Variants in SCLY observed in about 807,000 individuals in gnomAD.
SCLY encodes the protein selenocysteine lyase.
SCLY carries 38 observed loss-of-function variants against 50.1 expected under a neutral mutation model. The observed-to-expected ratio is 0.76, with a 90% confidence interval of 0.59 to 0.99. The LOEUF (loss-of-function observed/expected upper bound fraction) is 0.99. SCLY is among the 50% of genes least tolerant of loss of function. SCLY has a pLI of 0.00. For synonymous variants in SCLY, 243 were observed against 249.4 expected (o/e 0.97, Z 0.24); for missense variants, 600 against 620.0 (o/e 0.97, Z 0.34).
Position 238,078,176 on chromosome 2 carries a change from A to G in SCLY, c.485-3533A>G, listed in dbSNP as rs536388241. Among the ~76,000 whole-genome samples the G allele has an allele frequency of 1.1e-4, 17 of 151,080 alleles. No individual in the cohort carries two copies. In the East Asian group the frequency reaches 3.3e-3, roughly 30 times the overall value. On this transcript the variant is annotated intron_variant, in intron 4 of 11. Coordinates refer to ENST00000254663, the MANE Select transcript of SCLY (RefSeq NM_016510.7). ...ACCATGTTGGCCAGGCTGACCTTGA[A>G]CTCCTGATCTCAGGTGATCCATCTA...
At chr2:238,095,652 T>C (rs1220792389) in intron 10 of SCLY, 1 of 152,220 alleles carries the variant, frequency 6.6e-6, no homozygotes, top group Non-Finnish European at 1.5e-5. Flanking sequence ...AAAGGAGAGT[T>C]CTCTGTCAAC....
At chr2:238,086,548 T>A (rs139141378) in intron 7 of SCLY, among the ~76,000 whole-genome samples, 10 of 150,480 alleles carry the variant, frequency 6.6e-5, no homozygotes, top group Admixed American at 2.0e-4. Context: ...CTCTAAAAAA[T>A]TTTTTTTAAT....
rs535390041 is a variant in SCLY, at chr2:238,068,859, A to T, written c.304-438A>T. Reference sequence around the variant, plus strand: ...CACTGTGAATGTAGCTGTAGGAAAAAGTCCAAGAACTAGAATTGCTGGGTC... The same window carrying T: ...CACTGTGAATGTAGCTGTAGGAAAATGTCCAAGAACTAGAATTGCTGGGTC... On this transcript the variant is annotated intron_variant, in intron 3 of 11. Coordinates refer to ENST00000254663, the MANE Select transcript of SCLY (RefSeq NM_016510.7). Among the ~76,000 whole-genome samples, 3 of 152,324 alleles carry T rather than the reference A, an allele frequency of 2.0e-5. No homozygotes were observed. In the East Asian group the frequency reaches 5.8e-4, roughly 29 times the overall value.
chr2:238,091,518 AGC>A, intron 8 of SCLY: 385 of 459,948 alleles, frequency 8.4e-4, no homozygotes, highest in South Asian at 2.0e-3. Context: ...ATACTGTTAC[AGC>A]AGAGGTGAAG....
Position 238,066,682 on chromosome 2 carries a change from A to G in SCLY, c.203-1383A>G, listed in dbSNP as rs1251107212. ...CTGGTGGATTAATTGGCGGGGAATG[A>G]AAAGGGAAAGAGCCCACGCTTTTGC... On this transcript the variant is annotated intron_variant, in intron 2 of 11. Transcript: ENST00000254663. This position sits in a 1 kb window ranked among gnomAD's most constrained non-coding sequence, Gnocchi z 4.1. Among the ~76,000 whole-genome samples the G allele has an allele frequency of 6.6e-6, 1 of 152,218 alleles. No individual in the cohort carries two copies.
rs2106447949 is a variant in SCLY at position 238,083,561 on chromosome 2, C to T, written c.884+207C>T. 6.6e-6 allele frequency among the ~76,000 whole-genome samples: 1 copy of T among 152,304 alleles called. No homozygotes were observed. On this transcript the variant is annotated intron_variant, in intron 7 of 11. Transcript: ENST00000254663. This position sits in a 1 kb window ranked among gnomAD's most constrained non-coding sequence, Gnocchi z 4.3. ...CAGTCTCTTTGGGAATGATTGAAAG[C>T]AATGAAGGAAATCTCTGTTTCTTTT...
chr2:238,074,513 C>T (rs564411913), intron 4 of SCLY, among the ~76,000 whole-genome samples: 65 of 151,884 alleles, frequency 4.3e-4, no homozygotes, highest in Non-Finnish European at 6.3e-4. Flanking sequence ...GAGGCACTTT[C>T]GCTCTTGTTG....
intron 11 of SCLY, among the ~76,000 whole-genome samples, chr2:238,097,993 A>T (rs941214315): frequency 1.3e-5 from 2 of 152,158 alleles, no homozygotes; most frequent in Non-Finnish European, 2.9e-5. Context: ...CTCTGCAGGG[A>T]GAACGGGGGC....
rs761165185 is a variant in SCLY at position 238,098,266 on chromosome 2, A to G, written c.1249A>G (p.Ser417Gly). 2 of 1,610,542 alleles carry G rather than the reference A, an allele frequency of 1.2e-6. No homozygotes were observed. Among genetic ancestry groups the G allele is most frequent in the Admixed American group, 1.7e-5 (1 of 59,964 alleles). ...CGTGGCCAGGAACGCGCTCCGGCTC[A>G]GCGTGGGCCGCAGCACCACCAGGGC... ...FDVARNALRL[S>G]VGRSTTRAEV... The change falls in exon 12 of 12, where the codon AGC becomes GGC. Residue 417 changes from serine (S) to glycine (G), a missense_variant. Transcript: ENST00000254663.
chr2:238,075,994 A>AGTT (rs2065169157), intron 4 of SCLY, among the ~76,000 whole-genome samples: 2 of 151,514 alleles, frequency 1.3e-5, no homozygotes, highest in East Asian at 3.9e-4. Context: ...ATAATGGAAC[A>AGTT]CCAGGCATAA....
At chr2:238,075,844 C>T (rs1467855770) in intron 4 of SCLY, among the ~76,000 whole-genome samples, 1 of 151,938 alleles carries the variant, frequency 6.6e-6, no homozygotes, top group Non-Finnish European at 1.5e-5. Context: ...TTTTTGTAGT[C>T]TCTATTTTAT....
intron 4 of SCLY, among the ~76,000 whole-genome samples, chr2:238,071,624 C>A (rs1476335547): frequency 6.6e-6 from 1 of 152,138 alleles, no homozygotes; most frequent in Non-Finnish European, 1.5e-5. Context: ...AACAAAAAAA[C>A]AAAAGTCATT....
chr2:238,062,406 A>AT lies in SCLY; in HGVS notation c.89+1280dup, dbSNP rs11335455. 1.7e-3 allele frequency among the ~76,000 whole-genome samples: 249 copies of AT among 145,424 alleles called. 1 individual carries two copies. In the East Asian group the frequency reaches 0.018, roughly 10 times the overall value. ...GTCAAAGCCTTGTACCTATTGAGTG[A>AT]TTTTTTTTTTTTTTTTTAATTGAGA... On this transcript the variant is annotated intron_variant, in intron 1 of 11. Coordinates refer to ENST00000254663, the MANE Select transcript of SCLY (RefSeq NM_016510.7).
chr2:238,085,408 A>C (rs2065283267), intron 7 of SCLY, among the ~76,000 whole-genome samples: 1 of 152,048 alleles, frequency 6.6e-6, no homozygotes, highest in Non-Finnish European at 1.5e-5. Context: ...AGAAATCCAG[A>C]CCACAGAGAA....
At chr2:238,090,654 A>G (rs1348166342) in intron 7 of SCLY, among the ~76,000 whole-genome samples, 1 of 152,186 alleles carries the variant, frequency 6.6e-6, no homozygotes, top group Admixed American at 6.5e-5. Flanking sequence ...TTAAGAAATT[A>G]ATTATTAAGT....
chr2:238,079,108 C>T (rs2065207851), intron 4 of SCLY: 1 of 114,784 alleles, frequency 8.7e-6, no homozygotes. Context: ...AAGATTCCAC[C>T]CTGTCACCCA....
rs1295676482 is a variant in SCLY at position 238,098,671 on chromosome 2, T to TGGGAACGC, written c.*316_*317insGGGAACGC. ...TGGGACCGCCCACATAGAACCGTCC[T>TGGGAACGC]CCAGTGGTGAAGCGGAAACACTTAG... On this transcript the variant is annotated 3_prime_UTR_variant, in exon 12 of 12. Coordinates refer to ENST00000254663, the MANE Select transcript of SCLY (RefSeq NM_016510.7). 6.8e-4 allele frequency: 59 copies of TGGGAACGC among 86,296 alleles called. No individual in the cohort carries two copies. Among genetic ancestry groups the TGGGAACGC allele is most frequent in the Middle Eastern group, 6.4e-3 (2 of 314 alleles). 5.3% of individuals were successfully genotyped at this position (86,296 alleles called of 1,614,324 possible).
Position 238,061,016 on chromosome 2 carries a change from C to T in SCLY, c.-39C>T, listed in dbSNP as rs113465114. On this transcript the variant is annotated 5_prime_UTR_variant, in exon 1 of 12. Transcript: ENST00000254663. ...GGCGCTCTGGGCCCGTAGCGCTCCG[C>T]GGGAAGGAGGCTGGATGCCCGGCAG... is the stretch of plus-strand genomic sequence containing the variant. 22,612 of 1,345,624 alleles carry T rather than the reference C, an allele frequency of 0.017. 248 individuals are homozygous for T. The highest frequency in any genetic ancestry group is 0.019 in the Non-Finnish European group (20,464 of 1,051,796). 83.4% of individuals were successfully genotyped at this position (1,345,624 alleles called of 1,614,324 possible).
Position 238,096,895 on chromosome 2 carries a change from C to A in SCLY, c.1184+19C>A. 1 of 1,598,548 alleles carries A rather than the reference C, an allele frequency of 6.3e-7. No homozygotes were observed. The highest frequency in any genetic ancestry group is 8.5e-7 in the Non-Finnish European group (1 of 1,172,274). The stretch of plus-strand genomic sequence containing the variant: ...GGGACCAGTAAGTGCTCTTCACAAA[C>A]CCAGTCCAGGGCATAGGGGTCCTCC... On this transcript the variant is annotated intron_variant, in intron 11 of 11. Transcript: ENST00000254663.
Sources: gnomAD v4.1 joint callset for allele counts (sites outside exome capture counted in the v4.1 genomes callset) on GRCh38, gnomAD v4.1.1 for gene constraint, Gnocchi (gnomAD v3.1) non-coding constraint, MANE v1.5 for transcripts, NCBI Gene and HGNC (gene_info 2026-07-23, HGNC 2026-07-21) for gene names.